Variants in ZNF608 observed in about 807,000 individuals in gnomAD.
The protein encoded by ZNF608 is zinc finger protein 608.
In ZNF608, 12 loss-of-function variants were observed where a neutral mutation model predicts 109.0. The ratio of observed to expected loss-of-function variants is 0.11; its 90% confidence interval spans 0.07 to 0.18. ZNF608 has a LOEUF of 0.18. Ranked by LOEUF, ZNF608 falls within the 10% of genes least tolerant of loss-of-function variation. The probability of loss-of-function intolerance (pLI) is 1.00; values close to 1 mark genes in which losing one functional copy is unlikely to be tolerated. For missense variants in ZNF608, 1,707 were observed against 1,879.3 expected (o/e 0.91, Z 1.70); for synonymous variants, 732 against 717.4 (o/e 1.02, Z -0.33).
Position 124,715,719 on chromosome 5 carries a change from C to A in ZNF608, c.907-14450G>T, listed in dbSNP as rs1445311257. 7.2e-5 allele frequency among the ~76,000 whole-genome samples: 11 copies of A among 152,216 alleles called. No homozygotes were observed. The South Asian group carries it at 1.2e-3, about 17-fold the overall frequency. Reference sequence around the variant, plus strand: ...ATTATTTTTAAGTGGTGTAAAAAATCTTTTCAAATGTTATCATTATTTTTA... The same window carrying A: ...ATTATTTTTAAGTGGTGTAAAAAATATTTTCAAATGTTATCATTATTTTTA... On this transcript the variant is annotated intron_variant, in intron 2 of 9. Coordinates refer to ENST00000513986, the MANE Select transcript of ZNF608 (RefSeq NM_020747.3).
chr5:124,734,128 T>C (rs1749037309), intron 2 of ZNF608, among the ~76,000 whole-genome samples: 1 of 152,190 alleles, frequency 6.6e-6, no homozygotes, highest in Non-Finnish European at 1.5e-5. Flanking sequence ...CCTTCACACC[T>C]CTTTAAAGCC....
chr5:124,709,232 G>A (rs1452159314), intron 2 of ZNF608, among the ~76,000 whole-genome samples: 5 of 148,738 alleles, frequency 3.4e-5, no homozygotes, highest in Admixed American at 6.8e-5. Flanking sequence ...TTGGGGTGGA[G>A]AGGAAAGGGG....
Position 124,744,055 on chromosome 5 carries a change from G to A in ZNF608, c.906+29C>T. ...ACACAAATGCACACAGAGGAGAGTAGGACATCTAGGAAGGCGACTTTATCC... is the reference window on the plus strand; with the variant it reads ...ACACAAATGCACACAGAGGAGAGTAAGACATCTAGGAAGGCGACTTTATCC... On this transcript the variant is annotated intron_variant, in intron 2 of 9. Transcript: ENST00000513986. The surrounding 1 kb of genome is among the most constrained non-coding windows in gnomAD (Gnocchi z 4.5). 1 of 1,555,556 alleles carries A rather than the reference G, an allele frequency of 6.4e-7. No individual in the cohort carries two copies. Among genetic ancestry groups the A allele is most frequent in the Middle Eastern group, 1.7e-4 (1 of 5,746 alleles).
intron 2 of ZNF608, among the ~76,000 whole-genome samples, chr5:124,712,010 G>A (rs1753511343): frequency 6.6e-6 from 1 of 152,182 alleles, no homozygotes; most frequent in Non-Finnish European, 1.5e-5. Context: ...TTAGCCGGGT[G>A]TAGGTGTGTG....
intron 2 of ZNF608, chr5:124,734,520 G>A (rs1437506807): frequency 6.6e-6 from 1 of 152,186 alleles, no homozygotes; most frequent in African/African-American, 2.4e-5. Context: ...CTGGCGTACG[G>A]AGGGACTGGG....
intron 2 of ZNF608, among the ~76,000 whole-genome samples, chr5:124,734,372 T>G (rs1749046522): frequency 6.6e-6 from 1 of 152,102 alleles, no homozygotes; most frequent in African/African-American, 2.4e-5. Context: ...ACTCTAATAT[T>G]TACATATAAT....
At chr5:124,670,424 T>A (rs992159803) in intron 3 of ZNF608, among the ~76,000 whole-genome samples, 1 of 151,930 alleles carries the variant, frequency 6.6e-6, no homozygotes, top group African/African-American at 2.4e-5. Flanking sequence ...GCTATGTAAA[T>A]GTGTGCTATT....
chr5:124,647,609 A>T lies in ZNF608; in HGVS notation c.2775T>A (p.Asn925Lys). ...PMAPLHVLTQ[N>K]GAESSAAKTS... ...TCTTTGCAGCTGAACTCTCTGCCCC[A>T]TTCTGGGTCAACACATGCAGAGGTG... The change falls in exon 5 of 10, where the codon AAT becomes AAA. Residue 925 changes from asparagine to lysine, a missense_variant. Coordinates refer to ENST00000513986, the MANE Select transcript of ZNF608 (RefSeq NM_020747.3). The T allele has an allele frequency of 6.2e-7, 1 of 1,614,200 alleles. No homozygotes were observed. Among genetic ancestry groups the T allele is most frequent in the Non-Finnish European group, 8.5e-7 (1 of 1,180,042 alleles).
At chr5:124,725,411 A>G (rs1345836661) in intron 2 of ZNF608, among the ~76,000 whole-genome samples, 2 of 152,108 alleles carry the variant, frequency 1.3e-5, no homozygotes, top group Non-Finnish European at 2.9e-5. Flanking sequence ...ATGTTTGCTG[A>G]GGAAATATTT....
chr5:124,720,005 A>AAAC (rs907992062), intron 2 of ZNF608, among the ~76,000 whole-genome samples: 1 of 152,318 alleles, frequency 6.6e-6, no homozygotes, highest in African/African-American at 2.4e-5. Context: ...AAGTCTGTCA[A>AAAC]AACAACAACA....
chr5:124,730,893 C>A (rs1287873254), intron 2 of ZNF608, among the ~76,000 whole-genome samples: 1 of 152,164 alleles, frequency 6.6e-6, no homozygotes, highest in East Asian at 1.9e-4. Context: ...TTTTTTAAAT[C>A]CTCAGAAGCA....
chr5:124,690,985 C>T (rs762165355), intron 3 of ZNF608, among the ~76,000 whole-genome samples: 3 of 150,840 alleles, frequency 2.0e-5, no homozygotes, highest in Admixed American at 1.3e-4. Flanking sequence ...ATTTTTTACA[C>T]AACTTTTTTT....
chr5:124,677,557 A>G (rs2149820669), intron 3 of ZNF608, among the ~76,000 whole-genome samples: 1 of 152,354 alleles, frequency 6.6e-6, no homozygotes, highest in South Asian at 2.1e-4. Context: ...AAAAGGGAAA[A>G]ATACAACTAT....
chr5:124,687,500 T>A (rs771810746), intron 3 of ZNF608, among the ~76,000 whole-genome samples: 3 of 152,208 alleles, frequency 2.0e-5, no homozygotes, highest in Non-Finnish European at 4.4e-5. Context: ...TGTATGTATA[T>A]AATAAATGCT....
intron 8 of ZNF608, among the ~76,000 whole-genome samples, chr5:124,639,921 A>G (rs1197130087): frequency 2.0e-5 from 3 of 152,226 alleles, no homozygotes; most frequent in African/African-American, 4.8e-5. Context: ...TACAATAACA[A>G]TAATATTATC....
At chr5:124,736,630 A>G (rs1749165880) in intron 2 of ZNF608, among the ~76,000 whole-genome samples, 1 of 152,226 alleles carries the variant, frequency 6.6e-6, no homozygotes, top group South Asian at 2.1e-4. Context: ...TTCTAACCTA[A>G]CTAGGAACAA....
At chr5:124,666,446 T>C (rs974889148) in intron 3 of ZNF608, 29 of 152,234 alleles carry the variant, frequency 1.9e-4, no homozygotes, top group African/African-American at 7.0e-4. Context: ...TAATTTTCTT[T>C]CCCAGTGTGC....
intron 3 of ZNF608, among the ~76,000 whole-genome samples, chr5:124,676,118 A>G (rs1229362626): frequency 6.6e-6 from 1 of 152,196 alleles, no homozygotes; most frequent in Non-Finnish European, 1.5e-5. Context: ...GTACATATTT[A>G]TTGAGAACTT....
chr5:124,699,079 G>A (rs780042311), intron 3 of ZNF608, among the ~76,000 whole-genome samples: 39 of 152,318 alleles, frequency 2.6e-4, no homozygotes, highest in Admixed American at 1.4e-3. Flanking sequence ...TGATGTTCAA[G>A]TTTAGGGAAA....
Sources: allele counts gnomAD v4.1 joint callset (sites outside exome capture counted in the v4.1 genomes callset), GRCh38; gene constraint gnomAD v4.1.1; non-coding constraint Gnocchi (gnomAD v3.1); transcripts MANE v1.5; gene names NCBI Gene and HGNC (gene_info 2026-07-23, HGNC 2026-07-21).